KCNQ5: variants seen among roughly 807,000 people sequenced by gnomAD.
KCNQ5 encodes potassium voltage-gated channel subfamily Q member 5.
KCNQ5 carries 30 observed loss-of-function variants against 98.2 expected under a neutral mutation model. That is an observed-to-expected ratio of 0.31 (90% CI 0.23 to 0.41). KCNQ5 has a LOEUF of 0.41. Ranked by LOEUF, KCNQ5 falls within the 10% of genes least tolerant of loss-of-function variation. KCNQ5 has a pLI of 1.00. For synonymous variants in KCNQ5, 458 were observed against 449.4 expected, an observed-to-expected ratio of 1.02 and a Z score of -0.24; for missense variants, 835 against 1,182.5, an observed-to-expected ratio of 0.71 and a Z score of 4.31.
chr6:73,057,749 A>C (rs752090864), intron 3 of KCNQ5, among the ~76,000 whole-genome samples: 19 of 152,278 alleles, frequency 1.2e-4, no homozygotes, highest in South Asian at 2.1e-4. Context: ...AAAAAAAATT[A>C]TTTAAAAATT....
intron 1 of KCNQ5, among the ~76,000 whole-genome samples, chr6:72,674,103 T>C (rs1767280150): frequency 6.6e-6 from 1 of 152,238 alleles, no homozygotes; most frequent in Admixed American, 6.5e-5. Flanking sequence ...AAATTGAGAC[T>C]GTACCGTGAA....
intron 1 of KCNQ5, among the ~76,000 whole-genome samples, chr6:72,738,314 A>G (rs1299005261): frequency 1.3e-5 from 2 of 152,174 alleles, no homozygotes; most frequent in African/African-American, 4.8e-5. Flanking sequence ...CTCATTCACC[A>G]GAAGTTCTTG....
At chr6:72,885,216 T>G (rs1778804783) in intron 1 of KCNQ5, among the ~76,000 whole-genome samples, 1 of 152,166 alleles carries the variant, frequency 6.6e-6, no homozygotes, top group South Asian at 2.1e-4. Context: ...TTGACTACCT[T>G]TATATATACA....
intron 2 of KCNQ5, among the ~76,000 whole-genome samples, chr6:73,016,197 G>T (rs1195830341): frequency 3.3e-5 from 5 of 152,154 alleles, no homozygotes; most frequent in Non-Finnish European, 5.9e-5. Context: ...CCACTGAAAT[G>T]GGTGGCAGAG....
At position 72,724,289 on chromosome 6, in the gene KCNQ5, A is replaced by T. The variant is rs957483555; in HGVS notation, c.398+101702A>T. On this transcript the variant is annotated intron_variant, in intron 1 of 13. Coordinates refer to ENST00000370398, the MANE Select transcript of KCNQ5 (RefSeq NM_019842.4). ...CCAATTCCTATAAGAAGAAAAAAGT[A>T]TACTTGAATATACTAAATAGATGCT... 4.5e-4 allele frequency among the ~76,000 whole-genome samples: 69 copies of T among 152,226 alleles called. 2 individuals carry two copies. The highest frequency in any genetic ancestry group is 4.1e-3 in the Admixed American group (63 of 15,280).
chr6:72,884,270 T>C (rs763944609), intron 1 of KCNQ5, among the ~76,000 whole-genome samples: 3 of 152,328 alleles, frequency 2.0e-5, no homozygotes, highest in South Asian at 2.1e-4. Flanking sequence ...CAGCTCATGC[T>C]ATATTAAAAA....
intron 1 of KCNQ5, among the ~76,000 whole-genome samples, chr6:72,997,004 G>T (rs1218453773): frequency 6.6e-6 from 1 of 152,160 alleles, no homozygotes; most frequent in African/African-American, 2.4e-5. Flanking sequence ...CCTGACCAAG[G>T]AGTAAAGGTC....
rs144020660 is a variant in KCNQ5, at chr6:73,034,143, A to G, written c.490-7793A>G. On this transcript the variant is annotated intron_variant, in intron 2 of 13. Coordinates refer to ENST00000370398, the MANE Select transcript of KCNQ5 (RefSeq NM_019842.4). ...TTATACTAGTAGAATTTTCCAAATT[A>G]CATAGAATTATAACTGCAACTCTTC... Among the ~76,000 whole-genome samples, 12 of 152,382 alleles carry G rather than the reference A, an allele frequency of 7.9e-5. No individual in the cohort carries two copies. In the East Asian group the frequency reaches 2.3e-3, roughly 29 times the overall value.
intron 1 of KCNQ5, among the ~76,000 whole-genome samples, chr6:72,960,372 ATTCTAT>A (rs141651520): frequency 0.18 from 26,635 of 151,820 alleles, 2,434 homozygotes; most frequent in East Asian, 0.24. Flanking sequence ...TTCCCTCAAT[ATTCTAT>A]TTCTATTTCA....
At chr6:72,666,551 A>T (rs889226736) in intron 1 of KCNQ5, among the ~76,000 whole-genome samples, 1 of 152,134 alleles carries the variant, frequency 6.6e-6, no homozygotes, top group African/African-American at 2.4e-5. Context: ...TTAAAAAATT[A>T]TTTAATTTCT....
At chr6:72,683,087 C>A (rs2154473897) in intron 1 of KCNQ5, among the ~76,000 whole-genome samples, 1 of 152,324 alleles carries the variant, frequency 6.6e-6, no homozygotes, top group East Asian at 1.9e-4. Flanking sequence ...GTCCTTACTG[C>A]TTCACCTGTT....
intron 1 of KCNQ5, among the ~76,000 whole-genome samples, chr6:72,801,223 G>T (rs1406091267): frequency 6.7e-6 from 1 of 148,748 alleles, no homozygotes; most frequent in Non-Finnish European, 1.5e-5. Flanking sequence ...GTTGACAGTG[G>T]GGTGTTAAAG....
chr6:73,093,295 T>C (rs951127138), intron 5 of KCNQ5, among the ~76,000 whole-genome samples: 2 of 152,340 alleles, frequency 1.3e-5, no homozygotes, highest in South Asian at 4.1e-4. Flanking sequence ...ATTTTCTCTC[T>C]TCTTTTTATG....
intron 7 of KCNQ5, 54 bp downstream of exon 7, chr6:73,111,457 G>A: frequency 8.6e-7 from 1 of 1,164,832 alleles, no homozygotes; most frequent in East Asian, 2.4e-5. Context: ...AGTGCTTGAT[G>A]GGTCATTTTC....
chr6:72,781,272 G>A (rs60690955), intron 1 of KCNQ5, among the ~76,000 whole-genome samples: 6,616 of 152,196 alleles, frequency 0.043, 458 homozygotes, highest in African/African-American at 0.15. Context: ...CAGAAGCTAG[G>A]AAGGGGCTAG....
At chr6:73,047,774 C>T (rs536305595) in intron 3 of KCNQ5, among the ~76,000 whole-genome samples, 10 of 152,254 alleles carry the variant, frequency 6.6e-5, no homozygotes, top group South Asian at 6.2e-4. Context: ...GACTAAAACA[C>T]GGTCCCTGCC....
chr6:72,881,429 T>A, intron 1 of KCNQ5, among the ~76,000 whole-genome samples: 1 of 152,230 alleles, frequency 6.6e-6, no homozygotes, highest in East Asian at 1.9e-4. Flanking sequence ...CTCTGGAGTT[T>A]TTTAAAACAG....
intron 1 of KCNQ5, among the ~76,000 whole-genome samples, chr6:72,654,332 T>C (rs1179313850): frequency 6.6e-6 from 1 of 152,030 alleles, no homozygotes; most frequent in Non-Finnish European, 1.5e-5. Flanking sequence ...TGTAGTCATC[T>C]CATGAATTGG....
intron 1 of KCNQ5, among the ~76,000 whole-genome samples, chr6:72,944,275 T>G (rs1405512716): frequency 6.6e-6 from 1 of 152,194 alleles, no homozygotes; most frequent in Non-Finnish European, 1.5e-5. Flanking sequence ...CCACATTTTG[T>G]GAGATTTGGT....
Sources: allele counts gnomAD v4.1 joint callset (sites outside exome capture counted in the v4.1 genomes callset), GRCh38; gene constraint gnomAD v4.1.1; transcripts MANE v1.5; gene names NCBI Gene and HGNC (gene_info 2026-07-23, HGNC 2026-07-21).